The following FSTL5 variants were observed in gnomAD, a reference collection of about 807,000 sequenced individuals.
The protein encoded by FSTL5 is follistatin like 5.
A neutral mutation model predicts 89.1 loss-of-function variants in FSTL5; 62 were observed. That is an observed-to-expected ratio of 0.70 (90% CI 0.57 to 0.86). The LOEUF (loss-of-function observed/expected upper bound fraction) is 0.86, where lower values mean the gene tolerates loss of function less well. FSTL5 is among the 40% of genes least tolerant of loss of function. The pLI is 0.00. For synonymous variants in FSTL5, 383 were observed against 346.2 expected, an observed-to-expected ratio of 1.11 and a Z score of -1.18; for missense variants, 1,057 against 1,001.6, an observed-to-expected ratio of 1.06 and a Z score of -0.75.
chr4:162,066,553 G>T (rs1283382742), intron 2 of FSTL5, among the ~76,000 whole-genome samples: 2 of 149,686 alleles, frequency 1.3e-5, no homozygotes, highest in African/African-American at 2.5e-5. Context: ...GCACGCATTA[G>T]GTATTTGTCC....
At chr4:162,000,024 T>C (rs2111102624) in intron 3 of FSTL5, among the ~76,000 whole-genome samples, 1 of 152,298 alleles carries the variant, frequency 6.6e-6, no homozygotes, top group South Asian at 2.1e-4. Context: ...TTGATTTTGA[T>C]GGCCTAATCT....
chr4:161,747,251 C>G (rs1251388730), intron 6 of FSTL5, among the ~76,000 whole-genome samples: 1 of 152,128 alleles, frequency 6.6e-6, no homozygotes. Context: ...CATTGCACAG[C>G]TGATAAATTT....
intron 7 of FSTL5, among the ~76,000 whole-genome samples, chr4:161,592,585 G>A (rs56028301): frequency 0.17 from 26,439 of 151,966 alleles, 2,817 homozygotes; most frequent in Non-Finnish European, 0.22. Flanking sequence ...CATCCATGTC[G>A]CTGCAAAGGA....
intron 12 of FSTL5, among the ~76,000 whole-genome samples, chr4:161,497,595 T>C (rs986773546): frequency 6.6e-6 from 1 of 151,186 alleles, no homozygotes; most frequent in Non-Finnish European, 1.5e-5. Context: ...TCCATAAGAG[T>C]ACAGAAACCT....
chr4:161,528,393 A>G (rs1731302301), intron 10 of FSTL5, among the ~76,000 whole-genome samples: 1 of 143,650 alleles, frequency 7.0e-6, no homozygotes. Flanking sequence ...ATATAAAGCA[A>G]AAAAGGAGGA....
In FSTL5 at chr4:161,559,372, TTTC is replaced by T. The variant is rs1231778464; in HGVS notation, c.1016-16682_1016-16680del. Among the ~76,000 whole-genome samples the T allele has an allele frequency of 7.9e-5, 12 of 151,958 alleles. No individual in the cohort carries two copies. In the South Asian group the frequency reaches 1.2e-3, roughly 16 times the overall value. On this transcript the variant is annotated intron_variant, in intron 8 of 15. Transcript: ENST00000306100. ...TCTTCTCCTTTGCTTTCTCCTTCTA[TTTC>T]TTCTCTCTTTCCTCTTCTTTTTTTC... is the stretch of plus-strand genomic sequence containing the variant.
chr4:161,579,731 C>CAAAAAAAAAAAAAAAGAAAAA (rs33926609), intron 8 of FSTL5, among the ~76,000 whole-genome samples: 1 of 98,834 alleles, frequency 1.0e-5, no homozygotes, highest in African/African-American at 3.3e-5. Context: ...CAAAAACAAA[C>CAAAAAAAAAAAAAAAGAAAAA]AAAAAAAAAA....
chr4:161,734,285 C>T (rs1168626710), intron 6 of FSTL5, among the ~76,000 whole-genome samples: 1 of 151,978 alleles, frequency 6.6e-6, no homozygotes, highest in Non-Finnish European at 1.5e-5. Flanking sequence ...CCTTTACAAA[C>T]AGAAATAAAA....
chr4:161,715,014 T>C (rs1335220428), intron 6 of FSTL5, among the ~76,000 whole-genome samples: 5 of 152,146 alleles, frequency 3.3e-5, no homozygotes, highest in Non-Finnish European at 5.9e-5. Flanking sequence ...AAACAAACCA[T>C]ATAAAATATT....
At chr4:161,501,337 T>G (rs1730288785) in intron 11 of FSTL5, among the ~76,000 whole-genome samples, 1 of 152,236 alleles carries the variant, frequency 6.6e-6, no homozygotes, top group African/African-American at 2.4e-5. Flanking sequence ...AATATGTGTT[T>G]ATTGAACTTC....
At chr4:161,554,921 T>C (rs1271539608) in intron 8 of FSTL5, among the ~76,000 whole-genome samples, 1 of 151,678 alleles carries the variant, frequency 6.6e-6, no homozygotes, top group African/African-American at 2.4e-5. Context: ...ACTGAGCTTG[T>C]CCAATGCCTT....
rs142165643 is a variant in FSTL5 at position 161,800,071 on chromosome 4, T to C, written c.410-23997A>G. On this transcript the variant is annotated intron_variant, in intron 4 of 15. Coordinates refer to ENST00000306100, the MANE Select transcript of FSTL5 (RefSeq NM_020116.5). ...TTGCCCTCTCTTAAGGCACTAATTA[T>C]ACATTTTCTTTTTAACACTGTGGTA... 6.6e-5 allele frequency among the ~76,000 whole-genome samples: 10 copies of C among 151,804 alleles called. No individual in the cohort carries two copies. The East Asian group carries it at 1.9e-3, about 29-fold the overall frequency.
At chr4:161,699,773 A>T (rs554589899) in intron 6 of FSTL5, among the ~76,000 whole-genome samples, 3 of 152,138 alleles carry the variant, frequency 2.0e-5, no homozygotes, top group South Asian at 4.2e-4. Flanking sequence ...TTTTTGTGGG[A>T]CTTGGGGTCT....
chr4:161,476,378 G>A (rs9714947), intron 13 of FSTL5, among the ~76,000 whole-genome samples: 6,406 of 151,766 alleles, frequency 0.042, 203 homozygotes, highest in East Asian at 0.13. Flanking sequence ...GTAGAGACAC[G>A]GTTTCTCCAT....
chr4:161,518,878 T>A (rs1730929739), intron 10 of FSTL5, among the ~76,000 whole-genome samples: 1 of 152,086 alleles, frequency 6.6e-6, no homozygotes, highest in Non-Finnish European at 1.5e-5. Context: ...TTTCATGAGG[T>A]TACATTCATC....
chr4:161,979,816 A>G (rs1337189225), intron 3 of FSTL5, among the ~76,000 whole-genome samples: 1 of 152,034 alleles, frequency 6.6e-6, no homozygotes. Context: ...TTTGGTGGGG[A>G]TTGGTACTTA....
intron 2 of FSTL5, among the ~76,000 whole-genome samples, chr4:162,098,604 T>C (rs1472208812): frequency 6.6e-6 from 1 of 151,944 alleles, no homozygotes; most frequent in Admixed American, 6.6e-5. Context: ...ACCCCCAGAA[T>C]AGTCAACTCA....
At chr4:161,554,750 G>A (rs1174128618) in intron 8 of FSTL5, among the ~76,000 whole-genome samples, 2 of 151,734 alleles carry the variant, frequency 1.3e-5, no homozygotes, top group East Asian at 2.0e-4. Flanking sequence ...TGTTCGAAAA[G>A]GTTCTAAGAA....
chr4:161,797,001 C>T (rs1239363541), intron 4 of FSTL5, among the ~76,000 whole-genome samples: 3 of 151,574 alleles, frequency 2.0e-5, no homozygotes, highest in South Asian at 4.1e-4. Context: ...CTGATTCAAA[C>T]ATTAATTTTT....
Sources: allele counts gnomAD v4.1 joint callset (sites outside exome capture counted in the v4.1 genomes callset), GRCh38; gene constraint gnomAD v4.1.1; transcripts MANE v1.5; gene names NCBI Gene and HGNC (gene_info 2026-07-23, HGNC 2026-07-21).